SORCS1: variants seen among roughly 807,000 people sequenced by gnomAD.
The protein encoded by SORCS1 is VPS10 domain-containing receptor SorCS1.
Under a neutral mutation model 146.1 loss-of-function variants are expected in SORCS1, and 60 were observed. That is an observed-to-expected ratio of 0.41 (90% CI 0.33 to 0.51). The LOEUF (loss-of-function observed/expected upper bound fraction) is 0.51, where lower values mean the gene tolerates loss of function less well. Ranked by LOEUF, SORCS1 falls within the 20% of genes least tolerant of loss-of-function variation. SORCS1 has a pLI of 0.21. For missense variants in SORCS1, 1,352 were observed against 1,487.6 expected, an observed-to-expected ratio of 0.91 and a Z score of 1.50; for synonymous variants, 637 against 584.0, an observed-to-expected ratio of 1.09 and a Z score of -1.31.
chr10:107,117,955 G>A (rs1297625341), intron 1 of SORCS1, among the ~76,000 whole-genome samples: 2 of 152,150 alleles, frequency 1.3e-5, no homozygotes, highest in Admixed American at 6.5e-5. Context: ...GTGGCTAATG[G>A]AATGGAATGA....
intron 2 of SORCS1, among the ~76,000 whole-genome samples, chr10:106,859,180 C>T (rs1407398443): frequency 6.6e-6 from 1 of 152,176 alleles, no homozygotes; most frequent in Non-Finnish European, 1.5e-5. Context: ...CCCAGGGATG[C>T]CACTCCTGAC....
chr10:106,597,269 G>C (rs1845959981), intron 24 of SORCS1, 82 bp downstream of exon 24: 1 of 1,087,374 alleles, frequency 9.2e-7, no homozygotes, highest in African/African-American at 1.5e-5. Flanking sequence ...TTACCATCTA[G>C]CCTTTTTATG....
At chr10:106,822,947 A>AT (rs1948127247) in intron 3 of SORCS1, among the ~76,000 whole-genome samples, 1 of 146,810 alleles carries the variant, frequency 6.8e-6, no homozygotes, top group South Asian at 2.2e-4. Context: ...CACCCGGCTA[A>AT]TTTTTTTGTA....
At chr10:106,838,540 C>G (rs1948884948) in intron 2 of SORCS1, among the ~76,000 whole-genome samples, 1 of 152,158 alleles carries the variant, frequency 6.6e-6, no homozygotes, top group African/African-American at 2.4e-5. Context: ...CACTTGACAT[C>G]ATAGAGAATA....
intron 16 of SORCS1, among the ~76,000 whole-genome samples, chr10:106,668,059 TGAGAGAGTA>T (rs1357698265): frequency 2.0e-5 from 3 of 152,184 alleles, no homozygotes; most frequent in Non-Finnish European, 2.9e-5. Flanking sequence ...ACTCTCAAGC[TGAGAGAGTA>T]GATTGTGCTC....
chr10:106,782,089 T>C (rs1564651319), intron 3 of SORCS1, among the ~76,000 whole-genome samples: 1 of 152,190 alleles, frequency 6.6e-6, no homozygotes, highest in East Asian at 1.9e-4. Flanking sequence ...CATTCAATAC[T>C]GAGATGAACA....
At chr10:106,883,656 A>G (rs1273679695) in intron 2 of SORCS1, among the ~76,000 whole-genome samples, 1 of 151,752 alleles carries the variant, frequency 6.6e-6, no homozygotes, top group African/African-American at 2.4e-5. Context: ...CTCGTGATCC[A>G]CCCGCCTCAG....
chr10:106,641,298 G>T (rs1849056566), intron 18 of SORCS1, among the ~76,000 whole-genome samples: 2 of 152,154 alleles, frequency 1.3e-5, no homozygotes, highest in Admixed American at 1.3e-4. Flanking sequence ...TTGCAGGAAA[G>T]AATCCCATTT....
At chr10:106,809,866 A>G (rs767578993) in intron 3 of SORCS1, among the ~76,000 whole-genome samples, 1 of 152,202 alleles carries the variant, frequency 6.6e-6, no homozygotes, top group Admixed American at 6.5e-5. Flanking sequence ...GAAGGGAGGC[A>G]CTACAATTAT....
chr10:107,061,004 CTA>C (rs1169457954), intron 1 of SORCS1, among the ~76,000 whole-genome samples: 2 of 152,140 alleles, frequency 1.3e-5, no homozygotes, highest in Non-Finnish European at 2.9e-5. Flanking sequence ...CCAGATATAT[CTA>C]TGAGTAAAAA....
chr10:106,722,716 C>T (rs11193024), intron 6 of SORCS1, among the ~76,000 whole-genome samples: 3,540 of 152,168 alleles, frequency 0.023, 116 homozygotes, highest in African/African-American at 0.072. Flanking sequence ...ATTCAGGTTG[C>T]GGGTTGGGCC....
chr10:106,685,155 G>A (rs1419307506), intron 10 of SORCS1, among the ~76,000 whole-genome samples: 2 of 152,174 alleles, frequency 1.3e-5, no homozygotes, highest in African/African-American at 4.8e-5. Context: ...TAGAAAATGT[G>A]ACAAATCCTC....
intron 1 of SORCS1, among the ~76,000 whole-genome samples, chr10:107,035,203 T>C (rs2133955457): frequency 6.7e-6 from 1 of 149,550 alleles, no homozygotes; most frequent in South Asian, 2.1e-4. Flanking sequence ...ATGTGGAGAC[T>C]TATATTCTGT....
chr10:106,611,990 G>T lies in SORCS1; in HGVS notation c.2954C>A (p.Pro985Gln). 1 of 1,614,060 alleles carries T rather than the reference G, an allele frequency of 6.2e-7. No individual in the cohort carries two copies. The highest frequency in any genetic ancestry group is 1.7e-5 in the Admixed American group (1 of 60,022). ...GTCCGGGTTGTAGTCATCCAGGTTT[G>T]GAGAAAAGGACAAGCGAAGAGACCG... Reference protein sequence around the residue: ...EFRSLRLSFSPNLDDYNPDIP... With the variant: ...EFRSLRLSFSQNLDDYNPDIP... Residue 985 changes from proline to glutamine, a missense_variant, in exon 22 of 26, where the codon CCA becomes CAA. Physicochemically the swap from Pro to Gln is moderately conservative, Grantham distance 76. Around this residue, in one of 3 missense-constraint regions of SORCS1, gnomAD observed 648 missense variants for 793.8 expected, o/e 0.82. Transcript: ENST00000263054.
intron 1 of SORCS1, among the ~76,000 whole-genome samples, chr10:106,984,306 C>T (rs1956362825): frequency 6.6e-6 from 1 of 152,042 alleles, no homozygotes; most frequent in South Asian, 2.1e-4. Flanking sequence ...AGGAAATTGC[C>T]CAACAGATGT....
At chr10:106,600,782 CTTTG>C (rs1272101320) in intron 23 of SORCS1, 1 of 874,362 alleles carries the variant, frequency 1.1e-6, no homozygotes, top group Admixed American at 6.2e-5. Context: ...TAGACTTTGG[CTTTG>C]TTTGACTCCT....
At chr10:106,625,993 C>T (rs935641292) in intron 19 of SORCS1, among the ~76,000 whole-genome samples, 2 of 152,182 alleles carry the variant, frequency 1.3e-5, no homozygotes, top group Non-Finnish European at 2.9e-5. Context: ...TGTCAGGCTA[C>T]AGGAGATTAC....
intron 1 of SORCS1, among the ~76,000 whole-genome samples, chr10:107,110,384 G>T (rs1490510472): frequency 6.6e-6 from 1 of 152,174 alleles, no homozygotes; most frequent in African/African-American, 2.4e-5. Flanking sequence ...TTAATAGAAA[G>T]TATGGTGCAG....
At position 106,606,927 on chromosome 10, in the gene SORCS1, C is replaced by A. The variant is rs572907556; in HGVS notation, c.3165+239G>T. On this transcript the variant is annotated intron_variant, in intron 23 of 25. Transcript: ENST00000263054. Reference sequence around the variant, plus strand: ...CATGATTGTAAGTTTCCTGAGGCCTCCCTAGCCATGCTGAACTGTAAGTCA... The same window carrying A: ...CATGATTGTAAGTTTCCTGAGGCCTACCTAGCCATGCTGAACTGTAAGTCA... Among the ~76,000 whole-genome samples, 3 of 152,288 alleles carry A rather than the reference C, an allele frequency of 2.0e-5. No individual in the cohort carries two copies. In the East Asian group the frequency reaches 5.8e-4, roughly 29 times the overall value.
Sources: gnomAD v4.1 joint callset for allele counts (sites outside exome capture counted in the v4.1 genomes callset) on GRCh38, gnomAD v4.1.1 for gene constraint, gnomAD v4.1.1 regional missense constraint, MANE v1.5 for transcripts, NCBI Gene and HGNC (gene_info 2026-07-23, HGNC 2026-07-21) for gene names.